NEO1: variants seen among roughly 807,000 people sequenced by gnomAD.
The protein encoded by NEO1 is neogenin.
A neutral mutation model predicts 159.7 loss-of-function variants in NEO1; 63 were observed. The ratio of observed to expected loss-of-function variants is 0.39; its 90% CI spans 0.32 to 0.49. The LOEUF (loss-of-function observed/expected upper bound fraction) is 0.49, where lower values mean the gene tolerates loss of function less well. Ranked by LOEUF, NEO1 falls within the 20% of genes least tolerant of loss-of-function variation. The pLI, the probability that NEO1 is intolerant of heterozygous loss-of-function variation, is 0.85. For synonymous variants in NEO1, 633 were observed against 662.0 expected, an observed-to-expected ratio of 0.96 and a Z score of 0.67; for missense variants, 1,615 against 1,831.0, an observed-to-expected ratio of 0.88 and a Z score of 2.15.
chr15:73,100,902 C>T (rs967586236), intron 1 of NEO1, among the ~76,000 whole-genome samples: 3 of 152,166 alleles, frequency 2.0e-5, no homozygotes, highest in African/African-American at 7.2e-5. Flanking sequence ...CCCAACACCA[C>T]CACCCTTCTC....
chr15:73,113,727 C>T (rs1033574364), intron 1 of NEO1, among the ~76,000 whole-genome samples: 3 of 152,066 alleles, frequency 2.0e-5, no homozygotes, highest in Non-Finnish European at 4.4e-5. Flanking sequence ...TGCACAGCAT[C>T]TAAGTTTTAG....
At chr15:73,291,664 C>T (rs944945036) in intron 25 of NEO1, among the ~76,000 whole-genome samples, 3 of 152,282 alleles carry the variant, frequency 2.0e-5, no homozygotes, top group Non-Finnish European at 4.4e-5. Flanking sequence ...GGTGCTGGGA[C>T]ATGGCTCCAT....
chr15:73,068,035 AT>A (rs1246717395), intron 1 of NEO1, among the ~76,000 whole-genome samples: 6 of 152,126 alleles, frequency 3.9e-5, no homozygotes, highest in African/African-American at 1.4e-4. Context: ...TTCCTAGATT[AT>A]TGGTTTAACA....
intron 4 of NEO1, among the ~76,000 whole-genome samples, chr15:73,134,657 T>G (rs2031541911): frequency 6.6e-6 from 1 of 152,010 alleles, no homozygotes; most frequent in East Asian, 1.9e-4. Context: ...TTCAAGCGAT[T>G]CTCCTGCCTC....
chr15:73,196,894 T>C lies in NEO1; in HGVS notation c.1291+18467T>C, dbSNP rs970976864. Among the ~76,000 whole-genome samples, 4 of 152,360 alleles carry C rather than the reference T, an allele frequency of 2.6e-5. No individual in the cohort carries two copies. The East Asian group carries it at 7.7e-4, about 29-fold the overall frequency. On this transcript the variant is annotated intron_variant, in intron 7 of 28. Coordinates refer to ENST00000261908, the MANE Select transcript of NEO1 (RefSeq NM_002499.4). ...TCCCATTCATTGGAATTTAAGATCT[T>C]TTTACGATCTCATGCGTGGTCAGTT...
rs1358150937 is a variant in NEO1, at chr15:73,122,748, A to C, written c.672A>C (p.Glu224Asp). The change falls in exon 3 of 29, where the codon GAA (glutamate) becomes GAC (aspartate). Residue 224 changes from glutamate (E) to aspartate (D), a missense_variant. Glu to Asp is a conservative substitution (Grantham distance 45). This residue lies in a region of NEO1 where 1,018 missense variants were observed against 1,115.4 expected (regional missense o/e 0.91). Coordinates refer to ENST00000261908, the MANE Select transcript of NEO1 (RefSeq NM_002499.4). ...GCGGGCTTTATCGCTGCGTAGTGGA[A>C]AGTGGTGGGCCACCAAAGTATAGTG... ...GDGGLYRCVV[E>D]SGGPPKYSDE... 1 of 1,614,100 alleles carries C rather than the reference A, an allele frequency of 6.2e-7. No individual in the cohort carries two copies. Among genetic ancestry groups the C allele is most frequent in the Non-Finnish European group, 8.5e-7 (1 of 1,180,040 alleles).
intron 1 of NEO1, among the ~76,000 whole-genome samples, chr15:73,093,259 A>G (rs2069799720): frequency 6.6e-6 from 1 of 152,158 alleles, no homozygotes; most frequent in African/African-American, 2.4e-5. Context: ...CACCTGGCTG[A>G]GATTGTGTTT....
chr15:73,123,817 A>G (rs1168226724), intron 3 of NEO1, among the ~76,000 whole-genome samples: 3 of 152,000 alleles, frequency 2.0e-5, no homozygotes, highest in African/African-American at 2.4e-5. Flanking sequence ...CTATCCCTAC[A>G]TTATTTGGGA....
chr15:73,195,204 T>A (rs1364985357), intron 7 of NEO1, among the ~76,000 whole-genome samples: 1 of 152,190 alleles, frequency 6.6e-6, no homozygotes, highest in Non-Finnish European at 1.5e-5. Flanking sequence ...TGCTATTATT[T>A]TGTTATAAAG....
At chr15:73,120,481 G>C (rs1257112738) in intron 2 of NEO1, among the ~76,000 whole-genome samples, 1 of 151,460 alleles carries the variant, frequency 6.6e-6, no homozygotes, top group African/African-American at 2.4e-5. Context: ...CATAAAACTA[G>C]AAAACCTGTA....
At chr15:73,248,872 G>A (rs2039932383) in intron 9 of NEO1, among the ~76,000 whole-genome samples, 188 bp from the exon 10 acceptor site, 1 of 152,020 alleles carries the variant, frequency 6.6e-6, no homozygotes, top group Admixed American at 6.6e-5. Flanking sequence ...GTAATTTCTG[G>A]TTTTGATTTG....
At chr15:73,179,795 G>A (rs1385399392) in intron 7 of NEO1, among the ~76,000 whole-genome samples, 1 of 151,926 alleles carries the variant, frequency 6.6e-6, no homozygotes, top group African/African-American at 2.4e-5. Flanking sequence ...TGTTGCAACA[G>A]CATGCTGTGT....
chr15:73,298,565 C>T lies in NEO1; in HGVS notation c.4119C>T (p.Pro1373=). The T allele has an allele frequency of 6.2e-7, 1 of 1,614,204 alleles. No individual in the cohort carries two copies. Among genetic ancestry groups the T allele is most frequent in the South Asian group, 1.1e-5 (1 of 91,090 alleles). ...CAGCAATCCCGCCTCCAGGACCTCC[C>T]ACCTATGATCCTGCATTGCCAAGCA... ...AVPAIPPPGP[P]TYDPALPSTP... The change falls in exon 27 of 29, where the codon CCC becomes CCT. Residue 1373 remains proline (P), a synonymous_variant. Coordinates refer to ENST00000261908, the MANE Select transcript of NEO1 (RefSeq NM_002499.4).
intron 7 of NEO1, among the ~76,000 whole-genome samples, chr15:73,223,026 G>A (rs573345466): frequency 3.2e-4 from 49 of 152,158 alleles, no homozygotes; most frequent in East Asian, 7.7e-4. Flanking sequence ...TCTTGATTTC[G>A]CTTTTGAACC....
chr15:73,235,508 G>C (rs565052746), intron 7 of NEO1, among the ~76,000 whole-genome samples: 1 of 152,188 alleles, frequency 6.6e-6, no homozygotes, highest in Non-Finnish European at 1.5e-5. Context: ...GCTTTGCCTC[G>C]CCACTGCTTC....
At chr15:73,056,854 A>G (rs1448652322) in intron 1 of NEO1, among the ~76,000 whole-genome samples, 1 of 152,182 alleles carries the variant, frequency 6.6e-6, no homozygotes, top group African/African-American at 2.4e-5. Context: ...AGTCATCTAA[A>G]AGAAAAGACT....
At chr15:73,089,245 C>A (rs1009708038) in intron 1 of NEO1, among the ~76,000 whole-genome samples, 1 of 151,870 alleles carries the variant, frequency 6.6e-6, no homozygotes, top group African/African-American at 2.4e-5. Context: ...CTTTTTAAGA[C>A]CGGACATAAG....
chr15:73,164,370 C>T (rs1336133799), intron 5 of NEO1, among the ~76,000 whole-genome samples: 1 of 152,068 alleles, frequency 6.6e-6, no homozygotes, highest in Admixed American at 6.5e-5. Context: ...CATGCCACCA[C>T]ACTCAGGTAA....
At chr15:73,165,409 A>C (rs1203704585) in intron 5 of NEO1, among the ~76,000 whole-genome samples, 1 of 152,170 alleles carries the variant, frequency 6.6e-6, no homozygotes, top group Non-Finnish European at 1.5e-5. Flanking sequence ...AGATGGAGAA[A>C]ATAAAGCAAA....
Sources: allele counts gnomAD v4.1 joint callset (sites outside exome capture counted in the v4.1 genomes callset), GRCh38; gene constraint gnomAD v4.1.1; regional missense constraint gnomAD v4.1.1; transcripts MANE v1.5; gene names NCBI Gene and HGNC (gene_info 2026-07-23, HGNC 2026-07-21).